Variants in CHLSN observed in about 807,000 individuals in gnomAD.
The protein encoded by CHLSN is protein cholesin.
chr7:986,792 G>T, the CHLSN span: 1 of 1,563,702 alleles, frequency 6.4e-7, no homozygotes, highest in Non-Finnish European at 8.7e-7. Flanking sequence ...GATCCAGCAG[G>T]GACAGGTGTG....
the CHLSN span, among the ~76,000 whole-genome samples, chr7:1,126,081 G>T: frequency 7.9e-5 from 12 of 152,116 alleles, no homozygotes; most frequent in Non-Finnish European, 1.5e-4. Flanking sequence ...AAAATGCAGG[G>T]CCTGGAGCAG....
At chr7:1,120,554 A>G in the CHLSN span, among the ~76,000 whole-genome samples, 34,122 of 152,110 alleles carry the variant, frequency 0.22, 4,245 homozygotes, top group Middle Eastern at 0.36. Context: ...GGCCTCCCAA[A>G]AGTGCTGAGA....
chr7:1,124,208 G>C, the CHLSN span, among the ~76,000 whole-genome samples: 2 of 151,766 alleles, frequency 1.3e-5, no homozygotes, highest in African/African-American at 4.8e-5. Context: ...TAAACAAAAG[G>C]ACAGACACCA....
At chr7:993,958 G>A in the CHLSN span, among the ~76,000 whole-genome samples, 1 of 152,050 alleles carries the variant, frequency 6.6e-6, no homozygotes, top group African/African-American at 2.4e-5. Flanking sequence ...TGGGTGGGCT[G>A]GGGCAGGGGA....
the CHLSN span, among the ~76,000 whole-genome samples, chr7:1,016,219 G>C: frequency 1.8e-5 from 1 of 56,746 alleles, no homozygotes. Context: ...GCACACAGCA[G>C]CACACGCCAG....
chr7:1,047,090 AC>A, the CHLSN span, among the ~76,000 whole-genome samples: 5 of 152,302 alleles, frequency 3.3e-5, no homozygotes, highest in African/African-American at 1.2e-4. Context: ...GGTCTGATGT[AC>A]CTGGAGAGGG....
At chr7:1,020,767 C>A in the CHLSN span, among the ~76,000 whole-genome samples, 1 of 152,256 alleles carries the variant, frequency 6.6e-6, no homozygotes, top group Non-Finnish European at 1.5e-5. Context: ...ACCACCCCTG[C>A]AGACGGCCTG....
At chr7:1,127,846 G>A in the CHLSN span, among the ~76,000 whole-genome samples, 1 of 86,120 alleles carries the variant, frequency 1.2e-5, no homozygotes, top group Non-Finnish European at 2.1e-5. Context: ...CACAATCTCG[G>A]CTCATCCCAC....
chr7:992,140 C>G, the CHLSN span, among the ~76,000 whole-genome samples: 1 of 152,148 alleles, frequency 6.6e-6, no homozygotes, highest in Non-Finnish European at 1.5e-5. Context: ...AACTGCTCCC[C>G]GGACGTCTGT....
chr7:1,095,282 C>A, the CHLSN span, among the ~76,000 whole-genome samples: 1 of 137,920 alleles, frequency 7.3e-6, no homozygotes. Flanking sequence ...CAAACCCCCA[C>A]CCCCCACACC....
At chr7:1,069,563 C>T in the CHLSN span, among the ~76,000 whole-genome samples, 1 of 137,050 alleles carries the variant, frequency 7.3e-6, no homozygotes, top group Non-Finnish European at 1.6e-5. Context: ...GTTGGCCGGG[C>T]CGGTCTCCAG....
At chr7:1,016,712 C>CA in the CHLSN span, among the ~76,000 whole-genome samples, 8 of 125,720 alleles carry the variant, frequency 6.4e-5, no homozygotes, top group East Asian at 2.2e-4. Context: ...CACACGCCAG[C>CA]GCACAGCAGC....
the CHLSN span, among the ~76,000 whole-genome samples, chr7:1,094,395 C>T: frequency 6.6e-6 from 1 of 152,238 alleles, no homozygotes; most frequent in Non-Finnish European, 1.5e-5. Context: ...CTCACTTTTC[C>T]TGTGTTTGCG....
the CHLSN span, chr7:1,043,416 T>C: frequency 6.6e-6 from 1 of 152,258 alleles, no homozygotes; most frequent in African/African-American, 2.4e-5. Context: ...AATCGTGTCT[T>C]AGGTTTGATG....
the CHLSN span, among the ~76,000 whole-genome samples, chr7:1,010,953 C>T: frequency 3.9e-5 from 6 of 152,000 alleles, no homozygotes; most frequent in African/African-American, 7.3e-5. Flanking sequence ...CAGCGCCCAC[C>T]GGGAGCTTCC....
the CHLSN span, among the ~76,000 whole-genome samples, chr7:1,014,484 C>T: frequency 2.0e-5 from 3 of 152,248 alleles, no homozygotes; most frequent in Admixed American, 6.5e-5. Flanking sequence ...TGCTCCCCAG[C>T]GTGAGGCTTC....
At chr7:1,025,149 G>C in the CHLSN span, 1 of 152,414 alleles carries the variant, frequency 6.6e-6, no homozygotes, top group Non-Finnish European at 1.5e-5. Context: ...CGCTGCTCAG[G>C]AGGCAGCTCT....
chr7:1,009,052 CACGTGCACGTGCACGCA>C, the CHLSN span, among the ~76,000 whole-genome samples: 1 of 150,776 alleles, frequency 6.6e-6, no homozygotes, highest in Non-Finnish European at 1.5e-5. Flanking sequence ...CACACACGTA[CACGTGCACGTGCACGCA>C]GCGTGCACAT....
the CHLSN span, among the ~76,000 whole-genome samples, chr7:1,136,361 T>TATAA: frequency 3.6e-5 from 2 of 55,560 alleles, no homozygotes; most frequent in African/African-American, 1.3e-4. Context: ...TATATAAACA[T>TATAA]ATATATAAAT....
Sources: gnomAD v4.1 joint callset for allele counts (sites outside exome capture counted in the v4.1 genomes callset) on GRCh38, gnomAD v4.1.1 for gene constraint, MANE v1.5 for transcripts, NCBI Gene and HGNC (gene_info 2026-07-23, HGNC 2026-07-21) for gene names.